The following NDST1 variants were observed in gnomAD, a reference collection of about 807,000 sequenced individuals.
NDST1 encodes the protein bifunctional heparan sulfate N-deacetylase/N-sulfotransferase 1.
In NDST1, 35 loss-of-function variants were observed where a neutral mutation model predicts 92.8. The observed-to-expected ratio is 0.38, with a 90% confidence interval of 0.29 to 0.50. The LOEUF is 0.50. NDST1 is among the 20% of genes least tolerant of loss of function. The pLI is 0.94. For missense variants in NDST1, 822 were observed against 1,182.7 expected, an observed-to-expected ratio of 0.69 and a Z score of 4.47; for synonymous variants, 493 against 500.3, an observed-to-expected ratio of 0.99 and a Z score of 0.19.
At position 150,557,177 on chromosome 5, in the gene NDST1, G is replaced by A. The variant is rs1307128095; in HGVS notation, c.*3845G>A. 6.5e-6 allele frequency: 1 copy of A among 152,712 alleles called. No homozygotes were observed. Among genetic ancestry groups the A allele is most frequent in the Non-Finnish European group, 1.5e-5 (1 of 68,150 alleles). 9.5% of individuals were successfully genotyped at this position (152,712 alleles called of 1,614,324 possible). On this transcript the variant is annotated 3_prime_UTR_variant, in exon 15 of 15. Coordinates refer to ENST00000261797, the MANE Select transcript of NDST1 (RefSeq NM_001543.5). This position sits in a 1 kb window ranked among gnomAD's most constrained non-coding sequence, Gnocchi z 4.7. ...AGCAGAGGGGCCAGTTAGAGCAAGAGCTCTGGGGGGGCCGGAAAGTCTCCC... is the reference window on the plus strand; with the variant it reads ...AGCAGAGGGGCCAGTTAGAGCAAGAACTCTGGGGGGGCCGGAAAGTCTCCC...
At position 150,498,621 on chromosome 5, in the gene NDST1, C is replaced by T. The variant is rs181094310; in HGVS notation, c.-388+382C>T. On this transcript the variant is annotated intron_variant, in intron 1 of 1. Coordinates refer to the NDST1 transcript ENST00000518299. ...CCTGAGGCAGGGTTATGTAACCAGC[C>T]GGGTCTGGCCAGGCAGGGCACGATT... 1.9e-4 allele frequency among the ~76,000 whole-genome samples: 29 copies of T among 152,280 alleles called. No homozygotes were observed. The East Asian group carries it at 3.1e-3, about 16-fold the overall frequency.
chr5:150,513,918 A>G (rs895505570), intron 1 of NDST1, among the ~76,000 whole-genome samples: 8 of 152,226 alleles, frequency 5.3e-5, no homozygotes, highest in African/African-American at 1.4e-4. Flanking sequence ...GTATTTCCCG[A>G]AAGTGCAGCG....
intron 3 of NDST1, among the ~76,000 whole-genome samples, chr5:150,531,129 A>G (rs1050965842): frequency 2.0e-5 from 3 of 152,068 alleles, no homozygotes; most frequent in Admixed American, 6.5e-5. Flanking sequence ...AGAGACATGA[A>G]TGTCGCCTCA....
At chr5:150,529,409 A>G (rs1339873250) in intron 3 of NDST1, among the ~76,000 whole-genome samples, 1 of 151,926 alleles carries the variant, frequency 6.6e-6, no homozygotes, top group Non-Finnish European at 1.5e-5. Flanking sequence ...AAAAAAAAAA[A>G]AAAAGTTTTT....
chr5:150,550,739 G>A (rs1755685807), intron 13 of NDST1: 1 of 152,248 alleles, frequency 6.6e-6, no homozygotes, highest in South Asian at 2.1e-4. Context: ...GAGGGAGAAG[G>A]GGCCACCTGC....
chr5:150,530,004 G>A (rs2151281460), intron 3 of NDST1, among the ~76,000 whole-genome samples: 1 of 152,302 alleles, frequency 6.6e-6, no homozygotes. Flanking sequence ...GTCCTAATTT[G>A]ACCCTAATGA....
At chr5:150,514,016 G>A (rs1473180520) in intron 1 of NDST1, among the ~76,000 whole-genome samples, 3 of 152,254 alleles carry the variant, frequency 2.0e-5, no homozygotes. Flanking sequence ...GGCTAGGGGA[G>A]TGCAGTGGGA....
intron 6 of NDST1, 48 bp from the exon 7 acceptor site, chr5:150,539,180 C>G (rs1296198899): frequency 1.3e-6 from 2 of 1,496,818 alleles, no homozygotes; most frequent in African/African-American, 2.8e-5. Context: ...CTCCCACCAC[C>G]CTCATGCCAG....
chr5:150,543,440 G>T (rs909507881), intron 10 of NDST1, among the ~76,000 whole-genome samples: 20 of 152,244 alleles, frequency 1.3e-4, no homozygotes, highest in African/African-American at 4.8e-4. Context: ...AGCCTGCAGA[G>T]GTTACCTTTG....
In NDST1 at chr5:150,551,648, T is replaced by A. The variant is rs912283221; in HGVS notation, c.2427-105T>A. On this transcript the variant is annotated intron_variant, in intron 13 of 14. Coordinates refer to ENST00000261797, the MANE Select transcript of NDST1 (RefSeq NM_001543.5). ...ACAGTCCATGTGGGTTCAAGAGCAG[T>A]AGATTCCCTGGTCTCTGCCATTCCT... 82 of 1,414,976 alleles carry A rather than the reference T, an allele frequency of 5.8e-5. 1 individual carries two copies. The highest frequency in any genetic ancestry group is 8.0e-5 in the Non-Finnish European group (82 of 1,028,160). 87.7% of individuals were successfully genotyped at this position (1,414,976 alleles called of 1,614,324 possible).
intron 2 of NDST1, among the ~76,000 whole-genome samples, chr5:150,522,464 G>A (rs566288492): frequency 3.2e-4 from 48 of 151,908 alleles, no homozygotes; most frequent in Non-Finnish European, 5.1e-4. Context: ...AATGGTGGGC[G>A]GGGGATCCAG....
intron 11 of NDST1, among the ~76,000 whole-genome samples, chr5:150,547,445 G>T (rs1033156143): frequency 1.3e-5 from 2 of 152,216 alleles, no homozygotes; most frequent in Non-Finnish European, 2.9e-5. Flanking sequence ...CTGAGCTCTG[G>T]CTTTCTGGAC....
intron 8 of NDST1, among the ~76,000 whole-genome samples, chr5:150,540,889 T>TC (rs1361155913): frequency 6.6e-6 from 1 of 152,212 alleles, no homozygotes; most frequent in Non-Finnish European, 1.5e-5. Context: ...TTGGTCAGGC[T>TC]CTTAGATAAT....
chr5:150,502,885 C>G (rs1288876456), intron 1 of NDST1, among the ~76,000 whole-genome samples: 3 of 152,024 alleles, frequency 2.0e-5, no homozygotes, highest in Admixed American at 6.6e-5. Flanking sequence ...CCTTGGTTTC[C>G]CCTCCTGTAT....
rs1754948095 is a variant in NDST1, at chr5:150,535,602, C to T, written c.1252-98C>T. 6.8e-6 allele frequency: 10 copies of T among 1,468,030 alleles called. No homozygotes were observed. The African/African-American group carries it at 7.0e-5, about 10-fold the overall frequency. 90.9% of individuals were successfully genotyped at this position (1,468,030 alleles called of 1,614,324 possible). On this transcript the variant is annotated intron_variant, in intron 5 of 14. Transcript: ENST00000261797. ...GTCTCAGACCAGCAGCCATGCCGAC[C>T]TAACCTCTGATTTCTCTCTCCCATT...
chr5:150,546,356 A>T (rs1269980491), intron 11 of NDST1, among the ~76,000 whole-genome samples: 1 of 152,144 alleles, frequency 6.6e-6, no homozygotes, highest in Non-Finnish European at 1.5e-5. Flanking sequence ...CAGCCCACTG[A>T]GCCTGCAGGA....
chr5:150,540,232 ATCT>A lies in NDST1; in HGVS notation c.1721_1723del (p.Phe574del), dbSNP rs751419213. The A allele has an allele frequency of 3.7e-6, 6 of 1,612,648 alleles. No individual in the cohort carries two copies. Among genetic ancestry groups the A allele is most frequent in the Non-Finnish European group, 5.1e-6 (6 of 1,178,896 alleles). On this transcript the variant is annotated inframe_deletion, in exon 8 of 15. Transcript: ENST00000261797. ...GCAGTTGGCGCAGAAGTACTTCCAG[ATCT>A]TCTCCGAGGAGAAGGACCCGCTCTG...
chr5:150,502,892 G>C (rs1261243979), intron 1 of NDST1, among the ~76,000 whole-genome samples: 1 of 152,080 alleles, frequency 6.6e-6, no homozygotes, highest in Non-Finnish European at 1.5e-5. Context: ...TTCCCCTCCT[G>C]TATGGAGAAG....
chr5:150,526,315 C>T (rs1396929320), intron 2 of NDST1, among the ~76,000 whole-genome samples: 4 of 152,150 alleles, frequency 2.6e-5, no homozygotes, highest in Non-Finnish European at 5.9e-5. Context: ...TCTCTTCCCT[C>T]CTTGATTTTA....
Sources: gnomAD v4.1 joint callset for allele counts (sites outside exome capture counted in the v4.1 genomes callset) on GRCh38, gnomAD v4.1.1 for gene constraint, Gnocchi (gnomAD v3.1) non-coding constraint, MANE v1.5 for transcripts, NCBI Gene and HGNC (gene_info 2026-07-23, HGNC 2026-07-21) for gene names.